TNPO1: variants seen among roughly 807,000 people sequenced by gnomAD.
TNPO1 encodes the protein transportin 1, also known as transportin-1.
In TNPO1, 8 loss-of-function variants were observed where a neutral mutation model predicts 119.5. The ratio of observed to expected loss-of-function variants is 0.07; its 90% CI spans 0.04 to 0.12. TNPO1 has a LOEUF of 0.12. Among genes scored for constraint, TNPO1 ranks in the 10% least tolerant of loss-of-function variants. The pLI is 1.00. For synonymous variants in TNPO1, 362 were observed against 363.0 expected, an observed-to-expected ratio of 1.00 and a Z score of 0.03; for missense variants, 576 against 1,089.8, an observed-to-expected ratio of 0.53 and a Z score of 6.64.
chr5:72,854,557 G>A (rs569570381), intron 3 of TNPO1, among the ~76,000 whole-genome samples: 2 of 152,282 alleles, frequency 1.3e-5, no homozygotes, highest in African/African-American at 4.8e-5. Flanking sequence ...ACTGAAGAAT[G>A]ATTCAAAGTC....
chr5:72,879,574 G>A (rs1748073823), intron 9 of TNPO1, among the ~76,000 whole-genome samples: 1 of 152,136 alleles, frequency 6.6e-6, no homozygotes. Flanking sequence ...TGCCCAAGCT[G>A]GTCTTGATCC....
At chr5:72,886,904 A>C (rs1407235172) in intron 11 of TNPO1, among the ~76,000 whole-genome samples, 166 bp from the exon 12 acceptor site, 2 of 151,586 alleles carry the variant, frequency 1.3e-5, no homozygotes, top group Non-Finnish European at 2.9e-5. Flanking sequence ...AAAAAAAAAA[A>C]AAAAAAACCA....
At chr5:72,877,686 A>G (rs1747901275) in intron 9 of TNPO1, among the ~76,000 whole-genome samples, 1 of 152,028 alleles carries the variant, frequency 6.6e-6, no homozygotes, top group Non-Finnish European at 1.5e-5. Context: ...TTTTTTTCCA[A>G]AAAATAATTT....
intron 11 of TNPO1, among the ~76,000 whole-genome samples, chr5:72,885,564 C>A (rs1748558070): frequency 6.6e-6 from 1 of 152,148 alleles, no homozygotes; most frequent in Non-Finnish European, 1.5e-5. Context: ...CTGCTGCTTT[C>A]TTTCTGTGTA....
At chr5:72,905,273 T>TTA in intron 23 of TNPO1, 30 bp from the exon 24 acceptor site, 1 of 1,506,484 alleles carries the variant, frequency 6.6e-7, no homozygotes, top group South Asian at 1.2e-5. Flanking sequence ...CTCTTGTTAT[T>TTA]GATAAATTAA....
chr5:72,865,403 C>T (rs1045064828), intron 5 of TNPO1, among the ~76,000 whole-genome samples, 193 bp from the exon 6 acceptor site: 3 of 45,066 alleles, frequency 6.7e-5, no homozygotes, highest in Middle Eastern at 0.01. Context: ...GATGGTGCCA[C>T]TGCCAGCCTG....
intron 1 of TNPO1, among the ~76,000 whole-genome samples, chr5:72,841,954 A>G (rs1184446991): frequency 5.3e-5 from 8 of 151,952 alleles, no homozygotes; most frequent in Admixed American, 4.6e-4. Context: ...CAAATGATTC[A>G]GCAAATTTCT....
chr5:72,823,750 T>G (rs1411020537), intron 1 of TNPO1, among the ~76,000 whole-genome samples: 1 of 151,692 alleles, frequency 6.6e-6, no homozygotes, highest in Non-Finnish European at 1.5e-5. Context: ...AACTCTGGGG[T>G]TTTTTTTGCA....
rs1750572920 is a variant in TNPO1, at chr5:72,911,681, A to G, written c.*3008A>G. 2.0e-5 allele frequency: 3 copies of G among 152,554 alleles called. No homozygotes were observed. The South Asian group carries it at 6.2e-4, about 32-fold the overall frequency. The allele number at this position is 152,554 out of a possible 1,614,324, so 9.5% of individuals were successfully genotyped here. A position where few individuals can be genotyped will look rare whatever the true frequency, so the allele number is the denominator to read the frequency against. On this transcript the variant is annotated 3_prime_UTR_variant, in exon 25 of 25. Transcript: ENST00000337273. ...CATTCCAGTGTTTCTGCCTCTTGGC[A>G]TGCTTAAAGCACGGCTTACTTCATC...
rs538801348 is a variant in TNPO1 at position 72,872,540 on chromosome 5, CAT to C, written c.597-96_597-95del. 1.2e-4 allele frequency: 83 copies of C among 718,924 alleles called. No homozygotes were observed. The Admixed American group carries it at 1.9e-3, about 17-fold the overall frequency. The allele number at this position is 718,924 out of a possible 1,614,324, so 44.5% of individuals were successfully genotyped here. ...TCTTTTTAGTGGGTATATTGATAGACATATCATAATATTTTTATGGAGGAATG... is the reference window on the plus strand; with the variant it reads ...TCTTTTTAGTGGGTATATTGATAGACATCATAATATTTTTATGGAGGAATG... On this transcript the variant is annotated intron_variant, in intron 6 of 24. Transcript: ENST00000337273.
chr5:72,819,936 A>G (rs155427), intron 1 of TNPO1, among the ~76,000 whole-genome samples: 26,979 of 152,174 alleles, frequency 0.18, 2,637 homozygotes, highest in South Asian at 0.25. Context: ...GTTATCATCA[A>G]TGTCATTATC....
intron 1 of TNPO1, 133 bp from the exon 2 acceptor site, chr5:72,848,252 G>C: frequency 7.7e-7 from 1 of 1,303,126 alleles, no homozygotes; most frequent in Non-Finnish European, 9.8e-7. Context: ...CCTCAGGCAG[G>C]TCCGCGGCGT....
chr5:72,844,777 C>G (rs1397220687), intron 1 of TNPO1, among the ~76,000 whole-genome samples: 1 of 152,142 alleles, frequency 6.6e-6, no homozygotes, highest in African/African-American at 2.4e-5. Context: ...TCAGTTGAGT[C>G]CATATCTCCA....
chr5:72,875,844 T>C (rs1580438078), intron 8 of TNPO1, 107 bp downstream of exon 8: 3 of 1,299,410 alleles, frequency 2.3e-6, no homozygotes. Flanking sequence ...ATAGTTATAA[T>C]TGTCTTAAAA....
chr5:72,853,864 T>G (rs1745782131), intron 3 of TNPO1, among the ~76,000 whole-genome samples: 1 of 152,238 alleles, frequency 6.6e-6, no homozygotes, highest in Non-Finnish European at 1.5e-5. Context: ...CTGCTCTAAT[T>G]ATCTCACTTT....
At chr5:72,876,076 C>T (rs570843685) in intron 8 of TNPO1, among the ~76,000 whole-genome samples, 16 of 152,308 alleles carry the variant, frequency 1.1e-4, no homozygotes, top group African/African-American at 3.6e-4. Context: ...TAAAACTTTA[C>T]ACATGGCTGC....
chr5:72,886,205 T>C (rs1580456272), intron 11 of TNPO1, among the ~76,000 whole-genome samples: 1 of 152,346 alleles, frequency 6.6e-6, no homozygotes, highest in Non-Finnish European at 1.5e-5. Context: ...ATTATTATTA[T>C]AATAAAATCT....
intron 13 of TNPO1, 112 bp from the exon 14 acceptor site, chr5:72,889,674 G>C: frequency 8.3e-7 from 1 of 1,199,638 alleles, no homozygotes; most frequent in Non-Finnish European, 1.1e-6. Context: ...AGATGGCTTA[G>C]ACCATTTTAG....
chr5:72,857,521 G>C (rs1033049685), intron 4 of TNPO1, among the ~76,000 whole-genome samples: 1 of 152,134 alleles, frequency 6.6e-6, no homozygotes. Context: ...GTACTCTTAC[G>C]TACCTTAAGG....
Sources: allele counts gnomAD v4.1 joint callset (sites outside exome capture counted in the v4.1 genomes callset), GRCh38; gene constraint gnomAD v4.1.1; transcripts MANE v1.5; gene names NCBI Gene and HGNC (gene_info 2026-07-23, HGNC 2026-07-21).